Variants in VCAN observed in about 807,000 individuals in gnomAD.
The protein encoded by VCAN is versican core protein.
A neutral mutation model predicts 245.5 loss-of-function variants in VCAN; 44 were observed. That is an observed-to-expected ratio of 0.18 (90% CI 0.14 to 0.23). The LOEUF is 0.23. Among genes scored for constraint, VCAN ranks in the 10% least tolerant of loss-of-function variants. The pLI is 1.00. For synonymous variants in VCAN, 1,413 were observed against 1,437.0 expected (o/e 0.98, Z 0.38); for missense variants, 3,793 against 4,057.9 (o/e 0.93, Z 1.77).
At chr5:83,546,303 A>G (rs1309060172) in intron 9 of VCAN, among the ~76,000 whole-genome samples, 3 of 152,146 alleles carry the variant, frequency 2.0e-5, no homozygotes, top group African/African-American at 7.2e-5. Flanking sequence ...TGAGAAAAGA[A>G]TGATGAAATA....
Position 83,537,657 on chromosome 5 carries a change from G to T in VCAN, c.4654G>T (p.Ala1552Ser). The change falls in exon 8 of 15, where the codon GCC (alanine) becomes TCC (serine). Residue 1552 changes from alanine to serine, a missense_variant. By Grantham distance (99) the Ala-to-Ser change is moderately conservative (BLOSUM62 1). Transcript: ENST00000265077. Reference protein sequence around the residue: ...LFPEESSGEIAIDQESQKIAF... With the variant: ...LFPEESSGEISIDQESQKIAF... ...TCCTGAAGAGTCTTCAGGAGAGATT[G>T]CCATTGACCAAGAATCTCAGAAAAT... The T allele has an allele frequency of 6.2e-7, 1 of 1,613,828 alleles. No homozygotes were observed. The highest frequency in any genetic ancestry group is 1.1e-5 in the South Asian group (1 of 91,078).
At chr5:83,526,403 G>A (rs2112420837) in intron 7 of VCAN, among the ~76,000 whole-genome samples, 1 of 152,218 alleles carries the variant, frequency 6.6e-6, no homozygotes, top group South Asian at 2.1e-4. Context: ...CAAACAAAAT[G>A]TTATTGAGAG....
At chr5:83,534,842 T>C (rs565633177) in intron 7 of VCAN, among the ~76,000 whole-genome samples, 1 of 152,220 alleles carries the variant, frequency 6.6e-6, no homozygotes, top group Non-Finnish European at 1.5e-5. Flanking sequence ...AGTTTAAACA[T>C]TTTCTTCACA....
Position 83,512,317 on chromosome 5 carries a change from GGT to G in VCAN, c.965_966del (p.Val322GlufsTer7), listed in dbSNP as rs1745692444. 1 of 1,612,974 alleles carries G rather than the reference GGT, an allele frequency of 6.2e-7. No homozygotes were observed. Among genetic ancestry groups the G allele is most frequent in the African/African-American group, 1.3e-5 (1 of 74,866 alleles). ...CCCAGTGTGGAGGTGGTCTACTTGG[GGT>G]GAGAACCCTGTATCGTTTTGAGAAC... The part of the protein sequence containing the change: ...RAQCGGGLLG[V>X]RTLYRFENQT... On this transcript the variant is annotated frameshift_variant, in exon 6 of 15. Coordinates refer to ENST00000265077, the MANE Select transcript of VCAN (RefSeq NM_004385.5). LOFTEE classifies it high-confidence loss of function.
intron 7 of VCAN, among the ~76,000 whole-genome samples, chr5:83,527,654 T>A (rs1561248945): frequency 6.6e-6 from 1 of 152,198 alleles, no homozygotes; most frequent in Admixed American, 6.5e-5. Flanking sequence ...GTATACGTAA[T>A]ACATAGATGC....
chr5:83,510,508 T>C (rs1745617574), intron 5 of VCAN, among the ~76,000 whole-genome samples: 1 of 152,246 alleles, frequency 6.6e-6, no homozygotes, highest in Non-Finnish European at 1.5e-5. Context: ...AACAGTACTC[T>C]CAGCTACAAT....
intron 14 of VCAN, 27 bp downstream of exon 14, chr5:83,580,189 C>G (rs1748618029): frequency 6.2e-7 from 1 of 1,613,896 alleles, no homozygotes; most frequent in Admixed American, 1.7e-5. Context: ...AAAGAATGGA[C>G]TACCGTGCTA....
rs1746806312 is a variant in VCAN, at chr5:83,538,227, T to C, written c.5224T>C (p.Ser1742Pro). The change falls in exon 8 of 15, where the codon TCA becomes CCA. Residue 1742 changes from serine to proline, a missense_variant. Ser to Pro is a moderately conservative substitution (Grantham distance 74). This residue lies in a region of VCAN where 3,182 missense variants were observed against 3,250.3 expected (regional missense o/e 0.98). Transcript: ENST00000265077. ...TACGGCTTCTACATTTGAGGTATAT[T>C]CATCTACACAGAGATCGGATCAATT... ...TGTASTFEVY[S>P]STQRSDQLIL... The C allele has an allele frequency of 6.2e-7, 1 of 1,613,084 alleles. No homozygotes were observed. Among genetic ancestry groups the C allele is most frequent in the Admixed American group, 1.7e-5 (1 of 59,908 alleles).
intron 3 of VCAN, among the ~76,000 whole-genome samples, chr5:83,492,461 G>T (rs980067728): frequency 6.6e-6 from 1 of 152,082 alleles, no homozygotes; most frequent in Non-Finnish European, 1.5e-5. Flanking sequence ...TGACTTCTCT[G>T]GCATATTAGT....
At chr5:83,578,892 T>C (rs1441329714) in intron 13 of VCAN, among the ~76,000 whole-genome samples, 4 of 152,136 alleles carry the variant, frequency 2.6e-5, no homozygotes, top group Non-Finnish European at 5.9e-5. Flanking sequence ...AAAATAAGTG[T>C]GCTAATGTTG....
chr5:83,541,884 A>G lies in VCAN; in HGVS notation c.8881A>G (p.Thr2961Ala), dbSNP rs1010441875. 5.6e-6 allele frequency: 9 copies of G among 1,614,098 alleles called. No individual in the cohort carries two copies. Among genetic ancestry groups the G allele is most frequent in the Non-Finnish European group, 7.6e-6 (9 of 1,179,992 alleles). Residue 2961 changes from threonine (T) to alanine (A), a missense_variant, in exon 8 of 15, where the codon ACA becomes GCA. Physicochemically the swap from Thr to Ala is moderately conservative, Grantham distance 58. This residue lies in a region of VCAN where 3,182 missense variants were observed against 3,250.3 expected (regional missense o/e 0.98). Coordinates refer to ENST00000265077, the MANE Select transcript of VCAN (RefSeq NM_004385.5). Reference sequence around the variant, plus strand: ...AACACCTGAGGCTGGAACTGTTATTACAACTGCCGATGAAATTGAATTAGA... The same window carrying G: ...AACACCTGAGGCTGGAACTGTTATTGCAACTGCCGATGAAATTGAATTAGA... ...IKTPEAGTVI[T>A]TADEIELEGA...
chr5:83,513,541 A>T (rs1745741467), intron 6 of VCAN, among the ~76,000 whole-genome samples: 1 of 152,152 alleles, frequency 6.6e-6, no homozygotes, highest in Admixed American at 6.5e-5. Flanking sequence ...CTCTGCTCTG[A>T]TCTCCTCCCT....
rs1425264944 is a variant in VCAN, at chr5:83,538,479, C to T, written c.5476C>T (p.Arg1826Cys). 1.9e-6 allele frequency: 3 copies of T among 1,614,010 alleles called. No homozygotes were observed. Among genetic ancestry groups the T allele is most frequent in the East Asian group, 2.2e-5 (1 of 44,864 alleles). Residue 1826 changes from arginine to cysteine, a missense_variant, in exon 8 of 15, where the codon CGT becomes TGT. Physicochemically the swap from Arg to Cys is radical, Grantham distance 180. Transcript: ENST00000265077. Reference sequence around the variant, plus strand: ...TCAGGAAGGGCTGACCACTCTCCCACGTAGTCCTGCCTCTGTCTTTATGGA... The same window carrying T: ...TCAGGAAGGGCTGACCACTCTCCCATGTAGTCCTGCCTCTGTCTTTATGGA... ...GVQEGLTTLPRSPASVFMEQG... is the reference protein window; with the variant it reads ...GVQEGLTTLPCSPASVFMEQG...
At position 83,541,746 on chromosome 5, in the gene VCAN, G is replaced by A; in HGVS notation, c.8743G>A (p.Ala2915Thr). The A allele has an allele frequency of 6.2e-7, 1 of 1,614,028 alleles. No individual in the cohort carries two copies. Among genetic ancestry groups the A allele is most frequent in the South Asian group, 1.1e-5 (1 of 91,074 alleles). The change falls in exon 8 of 15, where the codon GCT becomes ACT. Residue 2915 changes from alanine to threonine, a missense_variant. By Grantham distance (58) the Ala-to-Thr change is moderately conservative. Transcript: ENST00000265077. ...ACCTGAGTTATTAGAAGAAATGGAA[G>A]CTTCTCCCACAGAACTTATTGCTGT... is the stretch of plus-strand genomic sequence containing the variant. The part of the protein sequence containing the change: ...GKPELLEEME[A>T]SPTELIAVEG...
chr5:83,474,929 G>T (rs1215954522), intron 1 of VCAN, among the ~76,000 whole-genome samples: 1 of 152,186 alleles, frequency 6.6e-6, no homozygotes, highest in Non-Finnish European at 1.5e-5. Flanking sequence ...TGAGGCAGGG[G>T]AGAGGTTAAA....
At position 83,521,556 on chromosome 5, in the gene VCAN, T is replaced by G. The variant is rs751923676; in HGVS notation, c.3250T>G (p.Ser1084Ala). The change falls in exon 7 of 15, where the codon TCT becomes GCT. Residue 1084 changes from serine (S) to alanine (A), a missense_variant. Physicochemically the swap from Ser to Ala is moderately conservative, Grantham distance 99. Around this residue, in one of 5 missense-constraint regions of VCAN, gnomAD observed 3,182 missense variants for 3,250.3 expected, o/e 0.98. Coordinates refer to ENST00000265077, the MANE Select transcript of VCAN (RefSeq NM_004385.5). ...CTCTGAAGATGAATTGTTGACAGGT[T>G]CTGAGAGGGTCCCAGTTTTAGAAAC... ...TVSEDELLTGSERVPVLETTP... is the reference protein window; with the variant it reads ...TVSEDELLTGAERVPVLETTP... 1 of 1,614,068 alleles carries G rather than the reference T, an allele frequency of 6.2e-7. No individual in the cohort carries two copies. The highest frequency in any genetic ancestry group is 1.1e-5 in the South Asian group (1 of 91,078).
At position 83,490,428 on chromosome 5, in the gene VCAN, A is replaced by T. The variant is rs1258966492; in HGVS notation, c.401A>T (p.Tyr134Phe). The change falls in exon 3 of 15, where the codon TAC becomes TTC. Residue 134 changes from tyrosine (Y) to phenylalanine (F), a missense_variant. This residue lies in a region of VCAN where 179 missense variants were observed against 169.7 expected (regional missense o/e 1.05). Coordinates refer to ENST00000265077, the MANE Select transcript of VCAN (RefSeq NM_004385.5). ...GGTCTTTACCGCTGTGACGTCATGT[A>T]CGGGATTGAAGACACACAAGACACG... ...DAGLYRCDVM[Y>F]GIEDTQDTVS... 6.2e-7 allele frequency: 1 copy of T among 1,614,062 alleles called. No homozygotes were observed. Among genetic ancestry groups the T allele is most frequent in the East Asian group, 2.2e-5 (1 of 44,892 alleles).
At chr5:83,522,992 A>G (rs1319734837) in intron 7 of VCAN, among the ~76,000 whole-genome samples, 1 of 152,214 alleles carries the variant, frequency 6.6e-6, no homozygotes, top group Non-Finnish European at 1.5e-5. Flanking sequence ...GTGGCTATAT[A>G]TTCATTATCC....
chr5:83,569,133 T>C (rs778863282), intron 12 of VCAN, among the ~76,000 whole-genome samples: 1 of 152,244 alleles, frequency 6.6e-6, no homozygotes, highest in Non-Finnish European at 1.5e-5. Context: ...TTACTGCTAA[T>C]AAACGTAGTA....
Sources: allele counts gnomAD v4.1 joint callset (sites outside exome capture counted in the v4.1 genomes callset), GRCh38; gene constraint gnomAD v4.1.1; regional missense constraint gnomAD v4.1.1; transcripts MANE v1.5; gene names NCBI Gene and HGNC (gene_info 2026-07-23, HGNC 2026-07-21).